Variants in STIM1 observed in about 807,000 individuals in gnomAD.
The protein encoded by STIM1 is stromal interaction molecule 1.
In STIM1, 25 loss-of-function variants were observed where a neutral mutation model predicts 74.7. The ratio of observed to expected loss-of-function variants is 0.33; its 90% confidence interval spans 0.24 to 0.47. The LOEUF is 0.47. Ranked by LOEUF, STIM1 falls within the 20% of genes least tolerant of loss-of-function variation. The pLI, the probability that STIM1 is intolerant of heterozygous loss-of-function variation, is 1.00. For synonymous variants in STIM1, 328 were observed against 348.8 expected (o/e 0.94, Z 0.66); for missense variants, 728 against 920.8 (o/e 0.79, Z 2.71).
intron 1 of STIM1, among the ~76,000 whole-genome samples, chr11:3,931,890 C>T (rs576329461): frequency 3.9e-5 from 6 of 152,278 alleles, no homozygotes; most frequent in Non-Finnish European, 7.4e-5. Flanking sequence ...CTGTGGAACA[C>T]GGGCCATACA....
chr11:3,895,743 T>TCTTTTTCTTTCTTC (rs2092122293), intron 1 of STIM1, among the ~76,000 whole-genome samples: 2 of 34,526 alleles, frequency 5.8e-5, no homozygotes, highest in Non-Finnish European at 9.6e-5. Context: ...TCTTTTTCTT[T>TCTTTTTCTTTCTTC]CTTCCTTCCT....
intron 1 of STIM1, among the ~76,000 whole-genome samples, chr11:3,963,567 ACTCTT>A (rs1459598861): frequency 2.6e-5 from 4 of 151,964 alleles, no homozygotes. Context: ...TTTGCCTAGA[ACTCTT>A]CTCTTTTTTC....
chr11:3,954,108 G>A (rs2093182629), intron 1 of STIM1, among the ~76,000 whole-genome samples: 1 of 152,116 alleles, frequency 6.6e-6, no homozygotes, highest in Non-Finnish European at 1.5e-5. Context: ...GTCAAGTTGT[G>A]TGAGATGCTG....
At chr11:3,943,562 A>G in intron 1 of STIM1, among the ~76,000 whole-genome samples, 1 of 152,310 alleles carries the variant, frequency 6.6e-6, no homozygotes, top group South Asian at 2.1e-4. Flanking sequence ...TTATTGCTCA[A>G]TATAGGTTTT....
intron 1 of STIM1, among the ~76,000 whole-genome samples, chr11:3,881,144 G>C (rs1158389893): frequency 6.8e-6 from 1 of 147,572 alleles, no homozygotes; most frequent in Non-Finnish European, 1.5e-5. Context: ...TCATTTTAAA[G>C]TGTACAATTC....
Position 3,856,178 on chromosome 11 carries a change from T to C in STIM1, c.-93T>C. On this transcript the variant is annotated 5_prime_UTR_variant, in exon 1 of 13. Transcript: ENST00000526596. The stretch of plus-strand genomic sequence containing the variant: ...TGCGGAGCCGCGAGGGCATCTTGCC[T>C]GGAGACCGTCGGCTGCACTCCCGGG... The C allele has an allele frequency of 6.4e-7, 1 of 1,564,972 alleles. No homozygotes were observed.
intron 2 of STIM1, among the ~76,000 whole-genome samples, chr11:4,007,583 T>C (rs2093794958): frequency 6.6e-6 from 1 of 152,190 alleles, no homozygotes; most frequent in South Asian, 2.1e-4. Flanking sequence ...ATAAGACTGA[T>C]AAAGGTATTC....
At chr11:4,054,714 A>G (rs2094274962) in intron 3 of STIM1, among the ~76,000 whole-genome samples, 1 of 152,130 alleles carries the variant, frequency 6.6e-6, no homozygotes, top group Non-Finnish European at 1.5e-5. Flanking sequence ...CTCATGCCAA[A>G]AAGGTTGGGG....
chr11:3,905,337 T>C (rs1239661153), intron 1 of STIM1, among the ~76,000 whole-genome samples: 1 of 151,842 alleles, frequency 6.6e-6, no homozygotes, highest in Non-Finnish European at 1.5e-5. Flanking sequence ...GGGTGGTATT[T>C]TGAAGAGGCA....
intron 1 of STIM1, among the ~76,000 whole-genome samples, chr11:3,907,644 A>G (rs1394094013): frequency 1.3e-5 from 2 of 152,152 alleles, no homozygotes; most frequent in Non-Finnish European, 2.9e-5. Flanking sequence ...CGTAAATCCA[A>G]ATTATATAAC....
intron 1 of STIM1, among the ~76,000 whole-genome samples, chr11:3,902,215 G>A (rs992517220): frequency 3.9e-5 from 6 of 152,176 alleles, no homozygotes; most frequent in Admixed American, 1.3e-4. Flanking sequence ...TAGAGGTTAA[G>A]GGAAGGCAGA....
At chr11:4,072,286 A>C (rs1008450724) in intron 6 of STIM1, among the ~76,000 whole-genome samples, 2 of 152,128 alleles carry the variant, frequency 1.3e-5, no homozygotes, top group African/African-American at 4.8e-5. Flanking sequence ...CCCACATGCC[A>C]CCTGGTTCCT....
rs898822807 is a variant in STIM1 at position 3,985,192 on chromosome 11, G to C, written c.270+17510G>C. ...GAAATTCTTTCTCACTAAGCAGGCT[G>C]TTGTTTTCCTTCCCCCCTCTTTGTT... On this transcript the variant is annotated intron_variant, in intron 2 of 12. Coordinates refer to ENST00000526596, the MANE Select transcript of STIM1 (RefSeq NM_001382567.1). Among the ~76,000 whole-genome samples, 13 of 152,210 alleles carry C rather than the reference G, an allele frequency of 8.5e-5. No homozygotes were observed. In the East Asian group the frequency reaches 2.5e-3, roughly 29 times the overall value.
chr11:3,991,359 C>A (rs546056879), intron 2 of STIM1, among the ~76,000 whole-genome samples: 8 of 151,020 alleles, frequency 5.3e-5, no homozygotes, highest in Non-Finnish European at 7.4e-5. Context: ...TTTGTAGATA[C>A]GGGGTTTTGC....
chr11:3,975,859 G>A (rs1017254289), intron 2 of STIM1, among the ~76,000 whole-genome samples: 2 of 152,182 alleles, frequency 1.3e-5, no homozygotes, highest in African/African-American at 2.4e-5. Flanking sequence ...AGTCCTGGAC[G>A]AGGAGGAAGA....
intron 1 of STIM1, among the ~76,000 whole-genome samples, chr11:3,951,121 C>CAA: frequency 6.6e-6 from 1 of 152,284 alleles, no homozygotes; most frequent in South Asian, 2.1e-4. Context: ...GGGAGCAGGG[C>CAA]TATGGAGCCT....
At chr11:4,019,438 C>T (rs1235440609) in intron 2 of STIM1, among the ~76,000 whole-genome samples, 1 of 152,084 alleles carries the variant, frequency 6.6e-6, no homozygotes, top group African/African-American at 2.4e-5. Context: ...CTTTGGGAGG[C>T]TGAGGCAGGA....
intron 1 of STIM1, among the ~76,000 whole-genome samples, chr11:3,886,218 A>G (rs2091698415): frequency 6.6e-6 from 1 of 152,252 alleles, no homozygotes; most frequent in African/African-American, 2.4e-5. Context: ...CTGGGAACCC[A>G]ATGATAAAAT....
At chr11:3,934,339 T>C (rs530951362) in intron 1 of STIM1, among the ~76,000 whole-genome samples, 16 of 152,314 alleles carry the variant, frequency 1.1e-4, no homozygotes, top group Admixed American at 5.2e-4. Flanking sequence ...TGCTTCCTTT[T>C]CCTGAAGGCT....
Sources: gnomAD v4.1 joint callset for allele counts (sites outside exome capture counted in the v4.1 genomes callset) on GRCh38, gnomAD v4.1.1 for gene constraint, MANE v1.5 for transcripts, NCBI Gene and HGNC (gene_info 2026-07-23, HGNC 2026-07-21) for gene names.